NXF1: variants seen among roughly 807,000 people sequenced by gnomAD.
NXF1 encodes nuclear RNA export factor 1.
In NXF1, 43 loss-of-function variants were observed where a neutral mutation model predicts 92.4. The observed-to-expected ratio is 0.47, with a 90% CI of 0.36 to 0.60. The LOEUF (loss-of-function observed/expected upper bound fraction) is 0.60, where lower values mean the gene tolerates loss of function less well. NXF1 is among the 20% of genes least tolerant of loss of function. NXF1 has a pLI of 0.00. For missense variants in NXF1, 576 were observed against 793.0 expected (o/e 0.73, Z 3.29); for synonymous variants, 288 against 292.2 (o/e 0.99, Z 0.15).
intron 13 of NXF1, 65 bp downstream of exon 13, chr11:62,797,118 G>T: frequency 1.5e-6 from 2 of 1,320,096 alleles, no homozygotes; most frequent in Non-Finnish European, 2.2e-6. Flanking sequence ...ATTGATGTGT[G>T]CCTGGGTCTG....
In NXF1 at chr11:62,792,208, C is replaced by T. The variant is rs984907435; in HGVS notation, c.*268G>A. On this transcript the variant is annotated 3_prime_UTR_variant, in exon 21 of 21. Coordinates refer to ENST00000294172, the MANE Select transcript of NXF1 (RefSeq NM_006362.5). ...CTTTATATTAAAAAGTAAGGAGGTCCTGGGGTTAAGTACACAAAGCACCTA... is the reference window on the plus strand; with the variant it reads ...CTTTATATTAAAAAGTAAGGAGGTCTTGGGGTTAAGTACACAAAGCACCTA... 14 of 648,060 alleles carry T rather than the reference C, an allele frequency of 2.2e-5. No individual in the cohort carries two copies. Among genetic ancestry groups the T allele is most frequent in the Admixed American group, 1.7e-4 (6 of 34,548 alleles). 40.1% of individuals were successfully genotyped at this position (648,060 alleles called of 1,614,324 possible). A position where few individuals can be genotyped will look rare whatever the true frequency, so the allele number is the denominator to read the frequency against.
At chr11:62,792,574 C>T in intron 20 of NXF1, 60 bp from the exon 21 acceptor site, 1 of 1,613,820 alleles carries the variant, frequency 6.2e-7, no homozygotes. Flanking sequence ...CAACCCCACT[C>T]AGCTAACCTG....
At chr11:62,796,384 G>C (rs762683834) in intron 14 of NXF1, 39 bp from the exon 15 acceptor site, 24 of 1,613,576 alleles carry the variant, frequency 1.5e-5, no homozygotes, top group Admixed American at 1.7e-5. Context: ...GTTCAGAGCA[G>C]TGCTGCCAGC....
chr11:62,804,993 G>A (rs1284353621), intron 1 of NXF1: 10 of 263,172 alleles, frequency 3.8e-5, no homozygotes, highest in Admixed American at 1.1e-4. Context: ...AGGGCATCAG[G>A]GCAGCCCACG....
chr11:62,793,294 G>C (rs533432313), intron 19 of NXF1, among the ~76,000 whole-genome samples: 75 of 152,306 alleles, frequency 4.9e-4, no homozygotes, highest in Middle Eastern at 3.4e-3. Flanking sequence ...GTCCAGGATG[G>C]TCTTGATCTC....
At chr11:62,800,553 C>T in intron 9 of NXF1, 67 bp from the exon 10 acceptor site, 1 of 1,047,690 alleles carries the variant, frequency 9.5e-7, no homozygotes, top group Non-Finnish European at 1.4e-6. Flanking sequence ...TCCCCATACC[C>T]CCAGTCCCTA....
At chr11:62,805,251 C>G in intron 1 of NXF1, 78 bp downstream of exon 1, 1 of 1,474,850 alleles carries the variant, frequency 6.8e-7, no homozygotes, top group Non-Finnish European at 9.1e-7. Context: ...GCCTCACGCC[C>G]CGGGGGCTGA....
In NXF1 at chr11:62,798,445, A is replaced by AAAAAGAAAAAG. The variant is rs1434660423; in HGVS notation, c.1053+93_1053+94insCTTTTTCTTTT. ...GAAACTCCGTCTCAAATAAAAAAAA[A>AAAAAGAAAAAG]AAAAAGAAAAAGAAAAAGAAAAAGA... On this transcript the variant is annotated intron_variant, in intron 11 of 20. Coordinates refer to ENST00000294172, the MANE Select transcript of NXF1 (RefSeq NM_006362.5). The AAAAAGAAAAAG allele has an allele frequency of 7.1e-6, 11 of 1,539,750 alleles. No homozygotes were observed. In the African/African-American group the frequency reaches 1.1e-4, roughly 16 times the overall value.
At chr11:62,795,997 C>T (rs1386580752) in intron 16 of NXF1, 54 bp from the exon 17 acceptor site, 2 of 1,605,526 alleles carry the variant, frequency 1.2e-6, no homozygotes, top group Non-Finnish European at 1.7e-6. Flanking sequence ...CCTGAGTGCC[C>T]CCCCTTGCCT....
chr11:62,801,325 T>G lies in NXF1; in HGVS notation c.798+4A>C. On this transcript the variant is annotated splice_donor_region_variant and intron_variant, in intron 8 of 20. Coordinates refer to ENST00000294172, the MANE Select transcript of NXF1 (RefSeq NM_006362.5). ...CATGCCTAATACTGGGCCAAAGGCC[T>G]TACCTCAGGGATGTTCTCTTCAATG... The G allele has an allele frequency of 1.2e-6, 2 of 1,613,944 alleles. No homozygotes were observed. Among genetic ancestry groups the G allele is most frequent in the Non-Finnish European group, 8.5e-7 (1 of 1,179,826 alleles).
rs140912061 is a variant in NXF1, at chr11:62,801,563, T to C, written c.708A>G (p.Pro236=). The stretch of plus-strand genomic sequence containing the variant: ...GAGAACTACTGCTGTCAACCATACC[T>C]GGGTCTGAACGGAGGCCTTTGAGGT... ...ALDLKGLRSD[P]DLVAQNIDVV... The change falls in exon 7 of 21, where the codon CCA becomes CCG. Residue 236 remains proline, a splice_region_variant and synonymous_variant. Transcript: ENST00000294172. 29 of 1,613,950 alleles carry C rather than the reference T, an allele frequency of 1.8e-5. No homozygotes were observed. Among genetic ancestry groups the C allele is most frequent in the Non-Finnish European group, 2.4e-5 (28 of 1,179,964 alleles).
chr11:62,798,586 C>A lies in NXF1; in HGVS notation c.1017-11G>T. 6.2e-7 allele frequency: 1 copy of A among 1,614,012 alleles called. No homozygotes were observed. Among genetic ancestry groups the A allele is most frequent in the Non-Finnish European group, 8.5e-7 (1 of 1,179,950 alleles). ...CGTTCGCGAATGGCGCTGTCAAGAA[C>A]GGGACAGAAGTGAGTGATGCTTCAG... On this transcript the variant is annotated splice_polypyrimidine_tract_variant and intron_variant, in intron 10 of 20. Transcript: ENST00000294172.
intron 9 of NXF1, among the ~76,000 whole-genome samples, chr11:62,800,881 C>T (rs562863380): frequency 2.3e-4 from 35 of 152,326 alleles, no homozygotes; most frequent in South Asian, 6.2e-4. Context: ...GCAATCCTCC[C>T]ACCTCAGCCC....
At chr11:62,795,401 A>G (rs925131507) in intron 17 of NXF1, 5 of 201,932 alleles carry the variant, frequency 2.5e-5, no homozygotes, top group Non-Finnish European at 5.1e-5. Flanking sequence ...ACTTGAACCC[A>G]GGAGACGGAG....
In NXF1 at chr11:62,792,637, T is replaced by C. The variant is rs2084377034; in HGVS notation, c.1821+4A>G. The C allele has an allele frequency of 6.2e-7, 1 of 1,614,180 alleles. No individual in the cohort carries two copies. Among genetic ancestry groups the C allele is most frequent in the Non-Finnish European group, 8.5e-7 (1 of 1,180,012 alleles). On this transcript the variant is annotated splice_donor_region_variant and intron_variant, in intron 20 of 20. Transcript: ENST00000294172. Reference sequence around the variant, plus strand: ...CTTTTTGCCACTGTATTTCCAGACCTTACCTTGAGATGAGTGAAGGCCTGG... The same window carrying C: ...CTTTTTGCCACTGTATTTCCAGACCCTACCTTGAGATGAGTGAAGGCCTGG...
intron 19 of NXF1, among the ~76,000 whole-genome samples, chr11:62,793,668 C>G (rs1245370972): frequency 6.6e-6 from 1 of 151,060 alleles, no homozygotes; most frequent in East Asian, 2.0e-4. Flanking sequence ...CAGAGTGAGA[C>G]CCTGTCTCAA....
intron 19 of NXF1, among the ~76,000 whole-genome samples, chr11:62,793,246 T>G (rs770171593): frequency 2.6e-5 from 4 of 152,210 alleles, no homozygotes; most frequent in Non-Finnish European, 5.9e-5. Flanking sequence ...GCCCCGCTAA[T>G]TTTTGTATTT....
Position 62,801,329 on chromosome 11 carries a change from C to A in NXF1, c.798G>T (p.Glu266Asp). ...TLRIIEENIP[E>D]LLSLNLSNNR... Reference sequence around the variant, plus strand: ...CCTAATACTGGGCCAAAGGCCTTACCTCAGGGATGTTCTCTTCAATGATCC... The same window carrying A: ...CCTAATACTGGGCCAAAGGCCTTACATCAGGGATGTTCTCTTCAATGATCC... Residue 266 changes from glutamate (E) to aspartate (D), a missense_variant and splice_region_variant, in exon 8 of 21, where the codon GAG (glutamate) becomes GAT (aspartate). Physicochemically the swap from Glu to Asp is conservative, Grantham distance 45 (BLOSUM62 2). Transcript: ENST00000294172. The A allele has an allele frequency of 1.2e-6, 2 of 1,614,038 alleles. No homozygotes were observed. The highest frequency in any genetic ancestry group is 1.7e-6 in the Non-Finnish European group (2 of 1,179,896).
At chr11:62,801,261 G>T in intron 8 of NXF1, 60 bp from the exon 9 acceptor site, 1 of 1,602,592 alleles carries the variant, frequency 6.2e-7, no homozygotes, top group African/African-American at 1.3e-5. Context: ...AGACGAATCT[G>T]CCCTCCAGCC....
Sources: gnomAD v4.1 joint callset for allele counts (sites outside exome capture counted in the v4.1 genomes callset) on GRCh38, gnomAD v4.1.1 for gene constraint, MANE v1.5 for transcripts, NCBI Gene and HGNC (gene_info 2026-07-23, HGNC 2026-07-21) for gene names.